MBOAT2: variants seen among roughly 807,000 people sequenced by gnomAD.
MBOAT2 encodes the protein membrane bound glycerophospholipid O-acyltransferase 2, also known as membrane-bound glycerophospholipid O-acyltransferase 2.
Under a neutral mutation model 63.4 loss-of-function variants are expected in MBOAT2, and 28 were observed. That is an observed-to-expected ratio of 0.44 (90% CI 0.33 to 0.61). The LOEUF (loss-of-function observed/expected upper bound fraction) is 0.61, where lower values mean the gene tolerates loss of function less well. Among genes scored for constraint, MBOAT2 ranks in the 20% least tolerant of loss-of-function variants. The probability of loss-of-function intolerance (pLI) is 0.03; values close to 1 mark genes in which losing one functional copy is unlikely to be tolerated. For synonymous variants in MBOAT2, 211 were observed against 215.6 expected, an observed-to-expected ratio of 0.98 and a Z score of 0.19; for missense variants, 470 against 605.8, an observed-to-expected ratio of 0.78 and a Z score of 2.35.
At position 8,853,289 on chromosome 2, in the gene MBOAT2, T is replaced by G. The variant is rs1160201397; in HGVS notation, c.*5390A>C. ...TGGTTTGGAACACATTTGTGTTCAA[T>G]GTTTGATTCCTTTTTCCTTGTGATA... On this transcript the variant is annotated 3_prime_UTR_variant, in exon 13 of 13. Transcript: ENST00000305997. The G allele has an allele frequency of 6.6e-6, 1 of 152,252 alleles. No homozygotes were observed. Among genetic ancestry groups the G allele is most frequent in the Non-Finnish European group, 1.5e-5 (1 of 68,034 alleles). 9.4% of individuals were successfully genotyped at this position (152,252 alleles called of 1,614,324 possible). A position where few individuals can be genotyped will look rare whatever the true frequency, so the allele number is the denominator to read the frequency against.
intron 3 of MBOAT2, among the ~76,000 whole-genome samples, chr2:8,932,124 A>G (rs949231273): frequency 9.2e-5 from 14 of 152,032 alleles, no homozygotes; most frequent in Non-Finnish European, 4.4e-5. Flanking sequence ...ACTATTTAAT[A>G]AGCTAGCAAC....
chr2:8,972,863 G>GTTAA (rs1670548691), intron 1 of MBOAT2, among the ~76,000 whole-genome samples: 2 of 152,108 alleles, frequency 1.3e-5, no homozygotes, highest in Non-Finnish European at 2.9e-5. Flanking sequence ...AAAAAGTCAG[G>GTTAA]AAACAACAGG....
intron 2 of MBOAT2, among the ~76,000 whole-genome samples, chr2:8,946,951 C>A (rs1246078858): frequency 6.6e-6 from 1 of 152,134 alleles, no homozygotes; most frequent in Non-Finnish European, 1.5e-5. Flanking sequence ...CACGTTAAAT[C>A]AAAAACTAAA....
At chr2:8,874,322 C>A (rs1054394207) in intron 7 of MBOAT2, among the ~76,000 whole-genome samples, 2 of 152,158 alleles carry the variant, frequency 1.3e-5, no homozygotes, top group Non-Finnish European at 2.9e-5. Flanking sequence ...TGTCTTTTAT[C>A]CCTTTCTTTA....
intron 4 of MBOAT2, among the ~76,000 whole-genome samples, chr2:8,899,343 G>A (rs939055889): frequency 6.6e-6 from 1 of 152,222 alleles, no homozygotes; most frequent in Non-Finnish European, 1.5e-5. Flanking sequence ...AACTGAGGAG[G>A]TGGGAGAAAT....
rs939614941 is a variant in MBOAT2, at chr2:8,853,254, T to C, written c.*5425A>G. 3.9e-5 allele frequency: 6 copies of C among 152,240 alleles called. No homozygotes were observed. The highest frequency in any genetic ancestry group is 8.8e-5 in the Non-Finnish European group (6 of 68,042). 9.4% of individuals were successfully genotyped at this position (152,240 alleles called of 1,614,324 possible). A position where few individuals can be genotyped will look rare whatever the true frequency, so the allele number is the denominator to read the frequency against. On this transcript the variant is annotated 3_prime_UTR_variant, in exon 13 of 13. Coordinates refer to ENST00000305997, the MANE Select transcript of MBOAT2 (RefSeq NM_138799.4). ...GAGCAGTCACATAAAAGTGACAAGA[T>C]GGACAAGACTGGTTTGGAACACATT...
chr2:8,860,466 T>C, intron 12 of MBOAT2, 147 bp downstream of exon 12: 1 of 746,408 alleles, frequency 1.3e-6, no homozygotes. Context: ...GAGACTTGCT[T>C]GGTTCAGAAT....
chr2:8,887,535 A>C (rs1350986890), intron 5 of MBOAT2, among the ~76,000 whole-genome samples: 1 of 152,206 alleles, frequency 6.6e-6, no homozygotes. Context: ...CAGAGCCCAA[A>C]TCTCACGACT....
At chr2:8,860,837 C>A in intron 11 of MBOAT2, 73 bp from the exon 12 acceptor site, 1 of 1,200,038 alleles carries the variant, frequency 8.3e-7, no homozygotes, top group Non-Finnish European at 1.2e-6. Flanking sequence ...CTGGTGATAT[C>A]AACTGTTGGA....
chr2:8,871,949 C>T (rs1662357139), intron 8 of MBOAT2, among the ~76,000 whole-genome samples: 1 of 152,144 alleles, frequency 6.6e-6, no homozygotes, highest in South Asian at 2.1e-4. Flanking sequence ...AAAGACAATA[C>T]ATATATAAAA....
At chr2:8,880,675 C>T (rs565328461) in intron 6 of MBOAT2, among the ~76,000 whole-genome samples, 13 of 152,116 alleles carry the variant, frequency 8.5e-5, no homozygotes, top group Admixed American at 7.8e-4. Context: ...GAAGCAGGGG[C>T]AGAGGATGCA....
intron 1 of MBOAT2, among the ~76,000 whole-genome samples, chr2:8,986,050 T>C (rs979605476): frequency 2.0e-5 from 3 of 152,034 alleles, no homozygotes; most frequent in African/African-American, 7.2e-5. Context: ...TCAAAGTACA[T>C]ACCCTTGGAA....
At chr2:8,950,460 C>T (rs964472227) in intron 2 of MBOAT2, among the ~76,000 whole-genome samples, 6 of 152,144 alleles carry the variant, frequency 3.9e-5, no homozygotes, top group Non-Finnish European at 8.8e-5. Context: ...CACAGTCTCG[C>T]TCTGTCACTC....
chr2:8,910,778 T>G (rs537238880), intron 3 of MBOAT2, among the ~76,000 whole-genome samples: 3 of 152,224 alleles, frequency 2.0e-5, no homozygotes, highest in African/African-American at 7.2e-5. Flanking sequence ...GAAGCCCACA[T>G]AGTTTTCTAA....
In MBOAT2 at chr2:8,873,207, C is replaced by T; in HGVS notation, c.784G>A (p.Glu262Lys). 1 of 1,614,160 alleles carries T rather than the reference C, an allele frequency of 6.2e-7. No individual in the cohort carries two copies. The highest frequency in any genetic ancestry group is 8.5e-7 in the Non-Finnish European group (1 of 1,180,020). ...TTLPVEYNID[E>K]HFQATASWPT... ...CACGAAGCTGTAGCTTGAAAATGCTCATCAATGTTGTACTCCACAGGTAAT... is the reference window on the plus strand; with the variant it reads ...CACGAAGCTGTAGCTTGAAAATGCTTATCAATGTTGTACTCCACAGGTAAT... The change falls in exon 8 of 13, where the codon GAG (glutamate) becomes AAG (lysine). Residue 262 changes from glutamate to lysine, a missense_variant. This residue lies in a region of MBOAT2 where 376 missense variants were observed against 503.8 expected (regional missense o/e 0.75). Transcript: ENST00000305997.
Position 8,866,914 on chromosome 2 carries a change from G to A in MBOAT2, c.987+1532C>T, listed in dbSNP as rs1227661292. Among the ~76,000 whole-genome samples, 4 of 152,196 alleles carry A rather than the reference G, an allele frequency of 2.6e-5. No individual in the cohort carries two copies. The East Asian group carries it at 5.8e-4, about 22-fold the overall frequency. ...TGCATTTCTTATGGCATCCCGTCTC[G>A]GGCACTTACTGCCTGACTGCCCACT... On this transcript the variant is annotated intron_variant, in intron 9 of 12. Transcript: ENST00000305997.
At chr2:8,946,467 A>T (rs1668418563) in intron 2 of MBOAT2, among the ~76,000 whole-genome samples, 1 of 152,222 alleles carries the variant, frequency 6.6e-6, no homozygotes, top group South Asian at 2.1e-4. Context: ...ACGATCAGTT[A>T]CAGGCATGAC....
chr2:8,912,418 A>C (rs200651254), intron 3 of MBOAT2, among the ~76,000 whole-genome samples: 4 of 146,978 alleles, frequency 2.7e-5, no homozygotes, highest in African/African-American at 8.0e-5. Context: ...AAAGAAAGAC[A>C]GGCCGGCCGG....
At chr2:8,905,861 T>C (rs767662998) in intron 4 of MBOAT2, among the ~76,000 whole-genome samples, 1 of 152,396 alleles carries the variant, frequency 6.6e-6, no homozygotes, top group Non-Finnish European at 1.5e-5. Context: ...TGGAGATTTA[T>C]AAACAGGTTT....
Sources: allele counts gnomAD v4.1 joint callset (sites outside exome capture counted in the v4.1 genomes callset), GRCh38; gene constraint gnomAD v4.1.1; regional missense constraint gnomAD v4.1.1; transcripts MANE v1.5; gene names NCBI Gene and HGNC (gene_info 2026-07-23, HGNC 2026-07-21).